Variants in USP6NL observed in about 807,000 individuals in gnomAD.
USP6NL encodes USP6 N-terminal like.
Under a neutral mutation model 61.9 loss-of-function variants are expected in USP6NL, and 26 were observed. The observed-to-expected ratio is 0.42, with a 90% CI of 0.31 to 0.58. The LOEUF is 0.58. Ranked by LOEUF, USP6NL falls within the 20% of genes least tolerant of loss-of-function variation. The pLI, the probability that USP6NL is intolerant of heterozygous loss-of-function variation, is 0.16. For missense variants in USP6NL, 1,114 were observed against 1,034.3 expected (o/e 1.08, Z -1.06); for synonymous variants, 432 against 390.1 (o/e 1.11, Z -1.27).
At chr10:11,569,792 T>C (rs1371265191) in intron 2 of USP6NL, among the ~76,000 whole-genome samples, 1 of 152,152 alleles carries the variant, frequency 6.6e-6, no homozygotes, top group African/African-American at 2.4e-5. Context: ...TTATGGCAAA[T>C]TGTTTCAGAA....
chr10:11,571,422 T>A (rs922171483), intron 2 of USP6NL, among the ~76,000 whole-genome samples: 9 of 152,168 alleles, frequency 5.9e-5, no homozygotes, highest in Non-Finnish European at 1.2e-4. Flanking sequence ...TGACTCTTAC[T>A]TAGCATAAGT....
rs1260651247 is a variant in USP6NL, at chr10:11,525,353, C to A, written c.155+33G>T. ...TAGGTGACCACAGAAACGTTATAAT[C>A]TAAAAAGCAAGCTTTCAATCTATGT... On this transcript the variant is annotated intron_variant, in intron 4 of 14. Coordinates refer to ENST00000609104, the MANE Select transcript of USP6NL (RefSeq NM_014688.5). This position sits in a 1 kb window ranked among gnomAD's most constrained non-coding sequence, Gnocchi z 5.0. The A allele has an allele frequency of 6.5e-7, 1 of 1,543,992 alleles. No homozygotes were observed. The highest frequency in any genetic ancestry group is 1.4e-5 in the African/African-American group (1 of 71,382).
In USP6NL at chr10:11,609,520, G is replaced by C. The variant is rs187979734; in HGVS notation, c.-84+1923C>G. 3.9e-5 allele frequency among the ~76,000 whole-genome samples: 6 copies of C among 152,316 alleles called. No individual in the cohort carries two copies. The East Asian group carries it at 9.6e-4, about 24-fold the overall frequency. On this transcript the variant is annotated intron_variant, in intron 1 of 14. Coordinates refer to ENST00000609104, the MANE Select transcript of USP6NL (RefSeq NM_014688.5). Reference sequence around the variant, plus strand: ...AACCAGAATTGTAATCACTTGTCTCGTTCTCGCTACCTCAAGTGGCAATTC... The same window carrying C: ...AACCAGAATTGTAATCACTTGTCTCCTTCTCGCTACCTCAAGTGGCAATTC...
At chr10:11,543,762 T>C (rs1050619943) in intron 2 of USP6NL, among the ~76,000 whole-genome samples, 23 of 146,766 alleles carry the variant, frequency 1.6e-4, no homozygotes, top group Admixed American at 8.2e-4. Flanking sequence ...GCTACTAGGC[T>C]CCAGGTAACA....
rs1833417547 is a variant in USP6NL at position 11,485,389 on chromosome 10, TACA to T, written c.760-158_760-156del. Among the ~76,000 whole-genome samples, 1 of 152,218 alleles carries T rather than the reference TACA, an allele frequency of 6.6e-6. No individual in the cohort carries two copies. Among genetic ancestry groups the T allele is most frequent in the African/African-American group, 2.4e-5 (1 of 41,468 alleles). ...GAATAAATTCCTCTTAGGACTGTAA[TACA>T]ACAATTAGATTCTCTTTAATATATT... is the stretch of plus-strand genomic sequence containing the variant. On this transcript the variant is annotated intron_variant, in intron 11 of 14. Coordinates refer to ENST00000609104, the MANE Select transcript of USP6NL (RefSeq NM_014688.5). The surrounding 1 kb of genome is among the most constrained non-coding windows in gnomAD (Gnocchi z 4.8).
At chr10:11,582,808 G>T (rs1023557516) in intron 2 of USP6NL, among the ~76,000 whole-genome samples, 1 of 151,528 alleles carries the variant, frequency 6.6e-6, no homozygotes, top group African/African-American at 2.4e-5. Context: ...TCACAAACAC[G>T]GGAAATAAAA....
At chr10:11,594,207 C>A (rs967815381) in intron 2 of USP6NL, among the ~76,000 whole-genome samples, 3 of 152,112 alleles carry the variant, frequency 2.0e-5, no homozygotes, top group African/African-American at 7.2e-5. Context: ...TCTAATACTC[C>A]CTAACCTTTG....
At chr10:11,488,401 C>T (rs1380345726) in intron 10 of USP6NL, among the ~76,000 whole-genome samples, 8 of 152,070 alleles carry the variant, frequency 5.3e-5, no homozygotes, top group African/African-American at 1.7e-4. Context: ...AGAGCAAGAC[C>T]CTGTCTCAAC....
chr10:11,540,868 T>C lies in USP6NL; in HGVS notation c.5-13301A>G, dbSNP rs1354461141. On this transcript the variant is annotated intron_variant, in intron 2 of 14. Transcript: ENST00000609104. This position sits in a 1 kb window ranked among gnomAD's most constrained non-coding sequence, Gnocchi z 5.0. ...TTTGAGTTATGTAAGTATTACTGGG[T>C]CCCTGAATGGCCCTTGGGTTCAAAT... Among the ~76,000 whole-genome samples, 1 of 152,046 alleles carries C rather than the reference T, an allele frequency of 6.6e-6. No homozygotes were observed. Among genetic ancestry groups the C allele is most frequent in the Non-Finnish European group, 1.5e-5 (1 of 67,994 alleles).
At position 11,562,873 on chromosome 10, in the gene USP6NL, A is replaced by G; in HGVS notation, c.4+34758T>C. On this transcript the variant is annotated intron_variant, in intron 2 of 14. Transcript: ENST00000609104. This position sits in a 1 kb window ranked among gnomAD's most constrained non-coding sequence, Gnocchi z 4.8. ...TTGGTAGTTTCTTGAAAAAGTAGAC[A>G]TCCACTTACCATGCAATCTATGAAT... 1 of 708,562 alleles carries G rather than the reference A, an allele frequency of 1.4e-6. No individual in the cohort carries two copies. Among genetic ancestry groups the G allele is most frequent in the Non-Finnish European group, 1.7e-6 (1 of 577,540 alleles). The allele number at this position is 708,562 out of a possible 1,614,324, so 43.9% of individuals were successfully genotyped here.
At chr10:11,506,241 TG>T (rs1834426937) in intron 6 of USP6NL, among the ~76,000 whole-genome samples, 1 of 152,236 alleles carries the variant, frequency 6.6e-6, no homozygotes, top group Non-Finnish European at 1.5e-5. Context: ...TATGTGTATT[TG>T]TAGAAGGCAC....
At chr10:11,590,689 ACT>A (rs1400461641) in intron 2 of USP6NL, among the ~76,000 whole-genome samples, 2 of 152,150 alleles carry the variant, frequency 1.3e-5, no homozygotes, top group Non-Finnish European at 2.9e-5. Context: ...TAAAAATCAA[ACT>A]CTATTTTCTA....
At chr10:11,569,228 C>A (rs1837274067) in intron 2 of USP6NL, among the ~76,000 whole-genome samples, 1 of 152,122 alleles carries the variant, frequency 6.6e-6, no homozygotes, top group Non-Finnish European at 1.5e-5. Flanking sequence ...TACAAAATAT[C>A]TGCGATATCT....
chr10:11,487,107 A>C lies in USP6NL; in HGVS notation c.665-1196T>G, dbSNP rs545586213. Reference sequence around the variant, plus strand: ...TTCATAGTCAATTTGATAGGAATGGAAGTTGAAAAATTTTCAAGAAAAGTC... The same window carrying C: ...TTCATAGTCAATTTGATAGGAATGGCAGTTGAAAAATTTTCAAGAAAAGTC... On this transcript the variant is annotated intron_variant, in intron 10 of 14. Coordinates refer to ENST00000609104, the MANE Select transcript of USP6NL (RefSeq NM_014688.5). This position sits in a 1 kb window ranked among gnomAD's most constrained non-coding sequence, Gnocchi z 4.2. Among the ~76,000 whole-genome samples the C allele has an allele frequency of 6.6e-6, 1 of 152,298 alleles. No homozygotes were observed. The highest frequency in any genetic ancestry group is 2.4e-5 in the African/African-American group (1 of 41,566).
intron 2 of USP6NL, among the ~76,000 whole-genome samples, chr10:11,531,116 C>A (rs1835638802): frequency 6.6e-6 from 1 of 152,154 alleles, no homozygotes; most frequent in African/African-American, 2.4e-5. Context: ...AAAATTCACA[C>A]CGCATGTTTA....
rs1835078361 is a variant in USP6NL, at chr10:11,518,798, A to C, written c.156-224T>G. Among the ~76,000 whole-genome samples the C allele has an allele frequency of 1.3e-5, 2 of 152,224 alleles. No individual in the cohort carries two copies. Among genetic ancestry groups the C allele is most frequent in the South Asian group, 4.1e-4 (2 of 4,832 alleles). Reference sequence around the variant, plus strand: ...GCACTGTCACCAGTAGCCACAAGCCACATTTATTAATAAAAAGCATCTAAT... The same window carrying C: ...GCACTGTCACCAGTAGCCACAAGCCCCATTTATTAATAAAAAGCATCTAAT... On this transcript the variant is annotated intron_variant, in intron 4 of 14. Coordinates refer to ENST00000609104, the MANE Select transcript of USP6NL (RefSeq NM_014688.5). The surrounding 1 kb of genome is among the most constrained non-coding windows in gnomAD (Gnocchi z 5.3).
At chr10:11,492,708 T>C (rs1833753461) in intron 8 of USP6NL, among the ~76,000 whole-genome samples, 1 of 152,264 alleles carries the variant, frequency 6.6e-6, no homozygotes, top group Non-Finnish European at 1.5e-5. Context: ...TAAGTTGTCA[T>C]AGCAATGATG....
chr10:11,578,751 A>G lies in USP6NL; in HGVS notation c.4+18880T>C, dbSNP rs182959301. ...TGTTATTTTTAAATGTCAATACAAT[A>G]TATGAAAATATCATCCTTTATAACT... is the stretch of plus-strand genomic sequence containing the variant. On this transcript the variant is annotated intron_variant, in intron 2 of 14. Coordinates refer to ENST00000609104, the MANE Select transcript of USP6NL (RefSeq NM_014688.5). Among the ~76,000 whole-genome samples the G allele has an allele frequency of 9.8e-5, 15 of 152,382 alleles. No homozygotes were observed. In the East Asian group the frequency reaches 2.9e-3, roughly 29 times the overall value.
intron 2 of USP6NL, among the ~76,000 whole-genome samples, chr10:11,542,921 A>C (rs1255940683): frequency 1.3e-5 from 2 of 152,132 alleles, no homozygotes; most frequent in Non-Finnish European, 2.9e-5. Flanking sequence ...CTCCTTTTTC[A>C]CAATACTCAC....
Sources: allele counts gnomAD v4.1 joint callset (sites outside exome capture counted in the v4.1 genomes callset), GRCh38; gene constraint gnomAD v4.1.1; non-coding constraint Gnocchi (gnomAD v3.1); transcripts MANE v1.5; gene names NCBI Gene and HGNC (gene_info 2026-07-23, HGNC 2026-07-21).